The following RPS6KL1 variants were observed in gnomAD, a reference collection of about 807,000 sequenced individuals.
RPS6KL1 encodes ribosomal protein S6 kinase like 1.
In RPS6KL1, 41 loss-of-function variants were observed where a neutral mutation model predicts 57.0. That is an observed-to-expected ratio of 0.72 (90% confidence interval 0.56 to 0.93). The LOEUF (loss-of-function observed/expected upper bound fraction) is 0.93, where lower values mean the gene tolerates loss of function less well. Among genes scored for constraint, RPS6KL1 ranks in the 40% least tolerant of loss-of-function variants. RPS6KL1 has a pLI of 0.00. For missense variants in RPS6KL1, 697 were observed against 727.7 expected (o/e 0.96, Z 0.49); for synonymous variants, 287 against 309.7 (o/e 0.93, Z 0.77).
chr14:74,910,762 T>C (rs1262347930), intron 7 of RPS6KL1: 1 of 162,074 alleles, frequency 6.2e-6, no homozygotes, highest in Non-Finnish European at 1.4e-5. Flanking sequence ...CCCTGCCCCC[T>C]TGGTACCACA....
chr14:74,919,723 T>C (rs527980069), intron 4 of RPS6KL1, 122 bp downstream of exon 4: 1 of 1,088,704 alleles, frequency 9.2e-7, no homozygotes, highest in Non-Finnish European at 1.3e-6. Flanking sequence ...GCCCAAATAA[T>C]GACTTCCACT....
chr14:74,918,629 C>T, intron 4 of RPS6KL1, 24 bp from the exon 5 acceptor site: 3 of 1,517,814 alleles, frequency 2.0e-6, no homozygotes, highest in Non-Finnish European at 2.6e-6. Flanking sequence ...AGACAGGCCA[C>T]ACACAGCCTC....
intron 5 of RPS6KL1, 51 bp from the exon 6 acceptor site, chr14:74,911,892 T>C (rs1566821857): frequency 6.7e-7 from 1 of 1,498,242 alleles, no homozygotes; most frequent in Non-Finnish European, 9.1e-7. Context: ...CTCCTGGGGC[T>C]CCGTGACCCC....
At chr14:74,921,039 C>T (rs1249848935) in intron 3 of RPS6KL1, among the ~76,000 whole-genome samples, 1 of 152,230 alleles carries the variant, frequency 6.6e-6, no homozygotes, top group African/African-American at 2.4e-5. Context: ...ATAGTAATTT[C>T]TATTACTGTG....
rs1887954542 is a variant in RPS6KL1 at position 74,922,085 on chromosome 14, CTG to C, written c.-130_-129del. ...TGAGCCACCGCGCAGGCCTGGGGCT[CTG>C]TTTTCCTTTCCAGTCAAATTCAGTT... is the stretch of plus-strand genomic sequence containing the variant. On this transcript the variant is annotated 5_prime_UTR_variant, in exon 2 of 12. The change abolishes the stop of an existing upstream ORF in the 5' untranslated region. Transcript: ENST00000557413. 1.4e-6 allele frequency: 1 copy of C among 707,138 alleles called. No individual in the cohort carries two copies. The highest frequency in any genetic ancestry group is 1.9e-5 in the African/African-American group (1 of 51,512). 43.8% of individuals were successfully genotyped at this position (707,138 alleles called of 1,614,324 possible).
intron 10 of RPS6KL1, among the ~76,000 whole-genome samples, 181 bp downstream of exon 10, chr14:74,908,669 G>A (rs147376212): frequency 6.6e-6 from 1 of 152,292 alleles, no homozygotes; most frequent in East Asian, 1.9e-4. Flanking sequence ...GAAGTTGACA[G>A]TCTCCTTAGC....
intron 2 of RPS6KL1, 87 bp from the exon 3 acceptor site, chr14:74,921,648 G>A: frequency 6.7e-7 from 1 of 1,487,914 alleles, no homozygotes; most frequent in Non-Finnish European, 8.9e-7. Context: ...ATGTCAGGGA[G>A]ACTCATATTC....
intron 11 of RPS6KL1, 108 bp from the exon 12 acceptor site, chr14:74,907,232 C>G: frequency 7.3e-7 from 1 of 1,370,332 alleles, no homozygotes; most frequent in Admixed American, 2.2e-5. Context: ...CCCTGGCAGC[C>G]TGGCCCACAG....
At chr14:74,911,591 TTGTGTGTATG>T in intron 6 of RPS6KL1, 193 bp downstream of exon 6, 2 of 578,984 alleles carry the variant, frequency 3.5e-6, no homozygotes, top group South Asian at 3.9e-5. Context: ...GCATGTGTGT[TTGTGTGTATG>T]TGTATGTGTA....
At chr14:74,920,515 C>T (rs1296786382) in intron 3 of RPS6KL1, among the ~76,000 whole-genome samples, 1 of 152,150 alleles carries the variant, frequency 6.6e-6, no homozygotes, top group East Asian at 1.9e-4. Context: ...TCAAAATGGC[C>T]TCAGCACCAG....
intron 5 of RPS6KL1, among the ~76,000 whole-genome samples, chr14:74,913,556 AAAAAC>A (rs1886367726): frequency 1.3e-5 from 2 of 152,130 alleles, no homozygotes; most frequent in African/African-American, 4.8e-5. Context: ...ACTCCATCTC[AAAAAC>A]AAAACAAAAC....
At chr14:74,921,590 C>T (rs749816201) in intron 2 of RPS6KL1, 29 bp from the exon 3 acceptor site, 2 of 1,587,540 alleles carry the variant, frequency 1.3e-6, no homozygotes, top group East Asian at 4.5e-5. Flanking sequence ...TTAGGGAGGA[C>T]CTAGCTGGTA....
intron 4 of RPS6KL1, 131 bp from the exon 5 acceptor site, chr14:74,918,736 G>T: frequency 1.6e-6 from 1 of 613,932 alleles, no homozygotes; most frequent in Non-Finnish European, 2.8e-6. Flanking sequence ...GGTATAGGCA[G>T]GCCCCACCCC....
chr14:74,917,180 A>G (rs933387177), intron 5 of RPS6KL1, among the ~76,000 whole-genome samples: 4 of 152,240 alleles, frequency 2.6e-5, no homozygotes, highest in African/African-American at 9.6e-5. Context: ...ACTTGTATTT[A>G]GAGCCATCAA....
chr14:74,907,562 G>C (rs1252051871), intron 10 of RPS6KL1, 32 bp from the exon 11 acceptor site: 1 of 1,545,556 alleles, frequency 6.5e-7, no homozygotes. Flanking sequence ...CCTCTGAGGA[G>C]GCAACCCCAG....
rs759658855 is a variant in RPS6KL1, at chr14:74,909,158, A to C, written c.1303T>G (p.Ser435Ala). ...HIRLTYFGQW[S>A]EVEPQCCGEA... ...CCGCAGCACTGGGGCTCCACCTCTG[A>C]CCACTGGCCAAAATATGTGAGCCGG... Residue 435 changes from serine to alanine, a missense_variant, in exon 9 of 12, where the codon TCA (serine) becomes GCA (alanine). Physicochemically the swap from Ser to Ala is moderately conservative, Grantham distance 99. Transcript: ENST00000557413. 1 of 1,614,178 alleles carries C rather than the reference A, an allele frequency of 6.2e-7. No homozygotes were observed. The highest frequency in any genetic ancestry group is 2.2e-5 in the East Asian group (1 of 44,888).
chr14:74,905,909 T>C lies in RPS6KL1; in HGVS notation c.*1105A>G. 6.5e-6 allele frequency: 1 copy of C among 153,108 alleles called. No homozygotes were observed. The highest frequency in any genetic ancestry group is 1.5e-5 in the Non-Finnish European group (1 of 68,676). 9.5% of individuals were successfully genotyped at this position (153,108 alleles called of 1,614,324 possible). ...GGAGGAGCTGAGGGCAAAACTCTAG[T>C]GGAAATTTCCCAGGTCGGTCCCACG... On this transcript the variant is annotated 3_prime_UTR_variant, in exon 12 of 12. Transcript: ENST00000557413.
At position 74,910,160 on chromosome 14, in the gene RPS6KL1, AGAGGGAGCGGT is replaced by A; in HGVS notation, c.665-23_665-13del. On this transcript the variant is annotated splice_polypyrimidine_tract_variant and intron_variant, in intron 7 of 11. Coordinates refer to ENST00000557413, the MANE Select transcript of RPS6KL1 (RefSeq NM_031464.5). Reference sequence around the variant, plus strand: ...CCAGAGAGTGCCTCCTGGGCCATGCAGAGGGAGCGGTGAGCGTGGGGACAGGGAGAAAAAGA... The same window carrying A: ...CCAGAGAGTGCCTCCTGGGCCATGCAGAGCGTGGGGACAGGGAGAAAAAGA... 1.3e-6 allele frequency: 2 copies of A among 1,510,746 alleles called. No homozygotes were observed. Among genetic ancestry groups the A allele is most frequent in the Non-Finnish European group, 1.8e-6 (2 of 1,136,060 alleles). 93.6% of individuals were successfully genotyped at this position (1,510,746 alleles called of 1,614,324 possible). A position where few individuals can be genotyped will look rare whatever the true frequency, so the allele number is the denominator to read the frequency against.
Position 74,905,900 on chromosome 14 carries a change from A to G in RPS6KL1, c.*1114T>C, listed in dbSNP as rs1307569570. 1.3e-5 allele frequency: 2 copies of G among 153,098 alleles called. No homozygotes were observed. The highest frequency in any genetic ancestry group is 1.3e-4 in the Admixed American group (2 of 15,420). The allele number at this position is 153,098 out of a possible 1,614,324, so 9.5% of individuals were successfully genotyped here. A position where few individuals can be genotyped will look rare whatever the true frequency, so the allele number is the denominator to read the frequency against. ...TGCTGGCAGGGAGGAGCTGAGGGCAAAACTCTAGTGGAAATTTCCCAGGTC... is the reference window on the plus strand; with the variant it reads ...TGCTGGCAGGGAGGAGCTGAGGGCAGAACTCTAGTGGAAATTTCCCAGGTC... On this transcript the variant is annotated 3_prime_UTR_variant, in exon 12 of 12. Transcript: ENST00000557413.
Sources: allele counts gnomAD v4.1 joint callset (sites outside exome capture counted in the v4.1 genomes callset), GRCh38; gene constraint gnomAD v4.1.1; transcripts MANE v1.5; gene names NCBI Gene and HGNC (gene_info 2026-07-23, HGNC 2026-07-21).